The following BANK1 variants were observed in gnomAD, a reference collection of about 807,000 sequenced individuals.
BANK1 encodes B cell scaffold protein with ankyrin repeats 1, also known as B-cell scaffold protein with ankyrin repeats.
BANK1 carries 95 observed loss-of-function variants against 94.5 expected under a neutral mutation model. That is an observed-to-expected ratio of 1.00 (90% confidence interval 0.85 to 1.19). The LOEUF (loss-of-function observed/expected upper bound fraction) is 1.19, where lower values mean the gene tolerates loss of function less well. Ranked by LOEUF, BANK1 falls within the 50% of genes most tolerant of loss-of-function variation. The pLI, the probability that BANK1 is intolerant of heterozygous loss-of-function variation, is 0.00. For synonymous variants in BANK1, 334 were observed against 308.4 expected (o/e 1.08, Z -0.87); for missense variants, 987 against 932.2 (o/e 1.06, Z -0.77).
At chr4:101,941,652 A>G (rs1333693073) in intron 7 of BANK1, among the ~76,000 whole-genome samples, 3 of 151,750 alleles carry the variant, frequency 2.0e-5, no homozygotes, top group Non-Finnish European at 4.4e-5. Context: ...CCCTATGTTA[A>G]TTAAAGACAG....
intron 7 of BANK1, among the ~76,000 whole-genome samples, chr4:101,919,238 A>G (rs1722923344): frequency 6.6e-6 from 1 of 151,660 alleles, no homozygotes. Context: ...ACTCTATACA[A>G]CTCTAGTCTT....
intron 5 of BANK1, among the ~76,000 whole-genome samples, chr4:101,872,210 C>A (rs1041929345): frequency 4.2e-4 from 64 of 152,202 alleles, no homozygotes; most frequent in African/African-American, 1.5e-3. Flanking sequence ...GACAGAATTA[C>A]TCTAACCCAG....
intron 5 of BANK1, among the ~76,000 whole-genome samples, chr4:101,889,101 T>C (rs1721742950): frequency 6.6e-6 from 1 of 152,184 alleles, no homozygotes; most frequent in Non-Finnish European, 1.5e-5. Flanking sequence ...CATTCATATA[T>C]AGTTGTAGGT....
chr4:102,066,291 C>G (rs1024336562), intron 13 of BANK1, among the ~76,000 whole-genome samples: 2 of 149,370 alleles, frequency 1.3e-5, no homozygotes, highest in Non-Finnish European at 3.0e-5. Context: ...GAGTCTCGCT[C>G]TGTCGCCCAG....
At chr4:102,000,322 CAAAAAAAAAA>C (rs3974642) in intron 7 of BANK1, among the ~76,000 whole-genome samples, 3 of 66,096 alleles carry the variant, frequency 4.5e-5, no homozygotes, top group South Asian at 6.2e-4. Flanking sequence ...AACTCTGTCT[CAAAAAAAAAA>C]AAAAAAAAAA....
intron 10 of BANK1, among the ~76,000 whole-genome samples, chr4:102,037,576 G>A (rs1415246885): frequency 1.3e-5 from 2 of 152,142 alleles, no homozygotes. Context: ...ATTGAAAAGA[G>A]TCTCCCCTAA....
intron 7 of BANK1, among the ~76,000 whole-genome samples, chr4:101,992,183 T>C (rs562597662): frequency 1.3e-5 from 2 of 152,324 alleles, no homozygotes; most frequent in African/African-American, 2.4e-5. Context: ...TACTGAACCA[T>C]GTTGACATTT....
At chr4:101,820,490 A>C (rs1726101220) in intron 1 of BANK1, among the ~76,000 whole-genome samples, 1 of 152,014 alleles carries the variant, frequency 6.6e-6, no homozygotes, top group African/African-American at 2.4e-5. Flanking sequence ...CTTTTATTTT[A>C]GTTTAGGGCC....
intron 6 of BANK1, among the ~76,000 whole-genome samples, chr4:101,915,268 A>G (rs1432199539): frequency 3.3e-5 from 5 of 152,258 alleles, no homozygotes; most frequent in African/African-American, 1.2e-4. Context: ...CACTATGACT[A>G]AATACTAGAA....
At chr4:101,819,520 T>C (rs1726056945) in intron 1 of BANK1, among the ~76,000 whole-genome samples, 1 of 152,178 alleles carries the variant, frequency 6.6e-6, no homozygotes, top group Non-Finnish European at 1.5e-5. Flanking sequence ...ACATTTGTAA[T>C]CTGTATTACA....
intron 11 of BANK1, among the ~76,000 whole-genome samples, chr4:102,044,774 G>A (rs1727822934): frequency 1.2e-5 from 1 of 85,952 alleles, no homozygotes; most frequent in Non-Finnish European, 2.3e-5. Context: ...GCATTTCTCT[G>A]ATGGCCAGTG....
intron 7 of BANK1, among the ~76,000 whole-genome samples, chr4:101,964,204 C>A (rs992078950): frequency 6.6e-6 from 1 of 152,030 alleles, no homozygotes; most frequent in Admixed American, 6.6e-5. Flanking sequence ...CTATTCATTG[C>A]ATTGCTCTGT....
At chr4:101,920,424 A>G (rs1443807537) in intron 7 of BANK1, among the ~76,000 whole-genome samples, 1 of 151,958 alleles carries the variant, frequency 6.6e-6, no homozygotes, top group Non-Finnish European at 1.5e-5. Flanking sequence ...TAAAGAGTGT[A>G]TGTAAACCTG....
chr4:102,014,929 CAG>C (rs1726641841), intron 7 of BANK1, among the ~76,000 whole-genome samples: 1 of 152,130 alleles, frequency 6.6e-6, no homozygotes, highest in Admixed American at 6.6e-5. Flanking sequence ...AAGGCAAATT[CAG>C]GATGATTCTG....
intron 2 of BANK1, among the ~76,000 whole-genome samples, chr4:101,838,853 C>T (rs1171263512): frequency 6.6e-6 from 1 of 152,122 alleles, no homozygotes; most frequent in Non-Finnish European, 1.5e-5. Context: ...ACTTTATTTT[C>T]TTAACATCAG....
intron 6 of BANK1, among the ~76,000 whole-genome samples, chr4:101,906,589 G>A (rs939090931): frequency 3.9e-5 from 6 of 152,122 alleles, no homozygotes; most frequent in Non-Finnish European, 7.4e-5. Flanking sequence ...TTTAGCTTTA[G>A]CTGGTAAATA....
At chr4:102,072,462 A>T (rs563359454) in intron 15 of BANK1, 62 bp downstream of exon 15, 37 of 1,252,182 alleles carry the variant, frequency 3.0e-5, no homozygotes, top group African/African-American at 2.1e-4. Context: ...AAAAAAGAAC[A>T]TGAGAGCCTT....
chr4:102,062,463 A>C (rs1283740790), intron 12 of BANK1: 4 of 152,118 alleles, frequency 2.6e-5, no homozygotes, highest in Non-Finnish European at 5.9e-5. Context: ...GCTATTCTTA[A>C]GTTCTGTTCT....
intron 3 of BANK1, among the ~76,000 whole-genome samples, chr4:101,856,723 G>T (rs1290049263): frequency 6.6e-6 from 1 of 152,034 alleles, no homozygotes; most frequent in African/African-American, 2.4e-5. Context: ...TTAGATAAGG[G>T]TTTTTTCAAT....
Sources: gnomAD v4.1 joint callset for allele counts (sites outside exome capture counted in the v4.1 genomes callset) on GRCh38, gnomAD v4.1.1 for gene constraint, MANE v1.5 for transcripts, NCBI Gene and HGNC (gene_info 2026-07-23, HGNC 2026-07-21) for gene names.